JMJD1C: variants seen among roughly 807,000 people sequenced by gnomAD.
The protein encoded by JMJD1C is jumonji domain-containing protein 1C.
In JMJD1C, 31 loss-of-function variants were observed where a neutral mutation model predicts 245.3. That is an observed-to-expected ratio of 0.13 (90% CI 0.09 to 0.17). The LOEUF is 0.17. Ranked by LOEUF, JMJD1C falls within the 10% of genes least tolerant of loss-of-function variation. JMJD1C has a pLI of 1.00. For synonymous variants in JMJD1C, 1,057 were observed against 1,017.4 expected (o/e 1.04, Z -0.74); for missense variants, 2,691 against 3,000.2 (o/e 0.90, Z 2.41).
intron 3 of JMJD1C, among the ~76,000 whole-genome samples, chr10:63,256,084 A>C (rs1166241631): frequency 6.6e-6 from 1 of 152,186 alleles, no homozygotes; most frequent in Admixed American, 6.5e-5. Flanking sequence ...ATTTAAAAGG[A>C]GACTGGCAGA....
chr10:63,251,259 T>C (rs544422972), intron 3 of JMJD1C, among the ~76,000 whole-genome samples: 2 of 152,332 alleles, frequency 1.3e-5, no homozygotes, highest in East Asian at 3.9e-4. Flanking sequence ...ATTAGTTCCA[T>C]ATATTGTACT....
At chr10:63,258,058 C>T (rs754960781) in intron 3 of JMJD1C, among the ~76,000 whole-genome samples, 9 of 151,954 alleles carry the variant, frequency 5.9e-5, no homozygotes, top group Non-Finnish European at 1.3e-4. Context: ...CAAATATCCA[C>T]GAAAAAGGTT....
chr10:63,217,450 A>C, intron 4 of JMJD1C, 119 bp from the exon 5 acceptor site: 1 of 756,508 alleles, frequency 1.3e-6, no homozygotes, highest in Non-Finnish European at 2.0e-6. Flanking sequence ...ATCAGTTTTC[A>C]AAAAAATGTT....
intron 1 of JMJD1C, among the ~76,000 whole-genome samples, chr10:63,420,479 T>C (rs1950056672): frequency 6.6e-6 from 1 of 151,702 alleles, no homozygotes; most frequent in Non-Finnish European, 1.5e-5. Flanking sequence ...AGGTGTAGCA[T>C]AGATCGCTTG....
intron 2 of JMJD1C, among the ~76,000 whole-genome samples, chr10:63,279,431 C>T (rs1354964460): frequency 6.6e-6 from 1 of 152,148 alleles, no homozygotes; most frequent in African/African-American, 2.4e-5. Context: ...AATTTACCTA[C>T]ATTTAGGTTT....
intron 1 of JMJD1C, among the ~76,000 whole-genome samples, chr10:63,402,143 G>A (rs10761753): frequency 0.46 from 66,288 of 143,774 alleles, 15,856 homozygotes; most frequent in East Asian, 0.67. Flanking sequence ...CAAAAAAAAA[G>A]AAAAAAAAAC....
chr10:63,342,484 G>T (rs1943467347), intron 2 of JMJD1C, among the ~76,000 whole-genome samples: 1 of 152,138 alleles, frequency 6.6e-6, no homozygotes, highest in African/African-American at 2.4e-5. Flanking sequence ...CCCACTTCCT[G>T]GTCCTCAAAT....
chr10:63,449,359 G>T lies in JMJD1C; in HGVS notation c.168+16136C>A, dbSNP rs551048918. Among the ~76,000 whole-genome samples, 84 of 152,092 alleles carry T rather than the reference G, an allele frequency of 5.5e-4. 1 individual carries two copies. The highest frequency in any genetic ancestry group is 1.6e-3 in the African/African-American group (68 of 41,508). ...AGACATGATAAGGAAATAACATCTT[G>T]AACAGTTTATTAAAACTTTAGGCAA... On this transcript the variant is annotated intron_variant, in intron 1 of 25. Transcript: ENST00000399262.
At chr10:63,190,766 G>A in intron 17 of JMJD1C, 128 bp downstream of exon 17, 1 of 701,454 alleles carries the variant, frequency 1.4e-6, no homozygotes, top group Non-Finnish European at 2.5e-6. Context: ...AATGCAAATA[G>A]AAACATGCCT....
At chr10:63,201,448 T>TG (rs887547909) in intron 10 of JMJD1C, among the ~76,000 whole-genome samples, 6 of 152,000 alleles carry the variant, frequency 3.9e-5, no homozygotes, top group African/African-American at 1.4e-4. Flanking sequence ...GTCTAATATG[T>TG]GAAAAAAAAA....
intron 1 of JMJD1C, among the ~76,000 whole-genome samples, chr10:63,520,893 T>C (rs1955196103): frequency 6.6e-6 from 1 of 152,144 alleles, no homozygotes; most frequent in African/African-American, 2.4e-5. Context: ...ACGATTCCTT[T>C]AAAATGTGGT....
chr10:63,190,589 C>T (rs1844675311), intron 17 of JMJD1C, among the ~76,000 whole-genome samples: 1 of 152,114 alleles, frequency 6.6e-6, no homozygotes, highest in African/African-American at 2.4e-5. Flanking sequence ...TTTTAAGTAA[C>T]ATACAACATT....
intron 1 of JMJD1C, among the ~76,000 whole-genome samples, chr10:63,411,905 A>ATTT (rs1174450794): frequency 1.6e-5 from 2 of 126,198 alleles, no homozygotes; most frequent in Non-Finnish European, 3.3e-5. Flanking sequence ...GCCTGGCCCA[A>ATTT]TTTTTTTTTT....
Position 63,465,685 on chromosome 10 carries a change from G to A in JMJD1C, c.-23C>T, listed in dbSNP as rs561773971. Reference sequence around the variant, plus strand: ...CATAGCTGTCGCTGCCGAAGCGGCCGCTGCCTCCTCCAGTGCGAGGGAACC... The same window carrying A: ...CATAGCTGTCGCTGCCGAAGCGGCCACTGCCTCCTCCAGTGCGAGGGAACC... On this transcript the variant is annotated 5_prime_UTR_variant, in exon 1 of 26. Coordinates refer to ENST00000399262, the MANE Select transcript of JMJD1C (RefSeq NM_032776.3). 1.5e-4 allele frequency: 244 copies of A among 1,605,598 alleles called. No individual in the cohort carries two copies. The highest frequency in any genetic ancestry group is 7.3e-4 in the Admixed American group (44 of 59,980).
intron 1 of JMJD1C, among the ~76,000 whole-genome samples, chr10:63,397,258 G>C (rs1948564167): frequency 1.3e-5 from 2 of 152,080 alleles, no homozygotes. Context: ...TTGTCGCCCA[G>C]GCTGGAGTGC....
At chr10:63,235,716 T>C (rs546098770) in intron 3 of JMJD1C, among the ~76,000 whole-genome samples, 1 of 152,310 alleles carries the variant, frequency 6.6e-6, no homozygotes, top group South Asian at 2.1e-4. Context: ...TATTATTAGG[T>C]AATTTCTCCA....
intron 3 of JMJD1C, among the ~76,000 whole-genome samples, chr10:63,262,691 A>T (rs951092745): frequency 1.3e-5 from 2 of 152,220 alleles, no homozygotes; most frequent in Admixed American, 1.3e-4. Context: ...TCTAGGCCAG[A>T]GGGTGACTTA....
intron 2 of JMJD1C, among the ~76,000 whole-genome samples, chr10:63,378,687 C>T (rs900952248): frequency 5.3e-5 from 8 of 152,132 alleles, no homozygotes; most frequent in Non-Finnish European, 8.8e-5. Flanking sequence ...GCTACTGCTT[C>T]GTGCTTTTGA....
At chr10:63,282,645 T>C (rs147282405) in intron 2 of JMJD1C, among the ~76,000 whole-genome samples, 4 of 152,332 alleles carry the variant, frequency 2.6e-5, no homozygotes, top group African/African-American at 9.6e-5. Context: ...GGAAAACAAA[T>C]ATACTAATCT....
Sources: gnomAD v4.1 joint callset for allele counts (sites outside exome capture counted in the v4.1 genomes callset) on GRCh38, gnomAD v4.1.1 for gene constraint, MANE v1.5 for transcripts, NCBI Gene and HGNC (gene_info 2026-07-23, HGNC 2026-07-21) for gene names.